The following EPHB1 variants were observed in gnomAD, a reference collection of about 807,000 sequenced individuals.
EPHB1 encodes ephrin type-B receptor 1.
In EPHB1, 30 loss-of-function variants were observed where a neutral mutation model predicts 94.4. The ratio of observed to expected loss-of-function variants is 0.32; its 90% CI spans 0.24 to 0.43. The LOEUF is 0.43. Ranked by LOEUF, EPHB1 falls within the 20% of genes least tolerant of loss-of-function variation. EPHB1 has a pLI of 1.00. For missense variants in EPHB1, 1,055 were observed against 1,308.3 expected (o/e 0.81, Z 2.99); for synonymous variants, 522 against 489.1 (o/e 1.07, Z -0.89).
chr3:134,826,023 C>T (rs1056297110), intron 1 of EPHB1, among the ~76,000 whole-genome samples: 1 of 149,618 alleles, frequency 6.7e-6, no homozygotes. Flanking sequence ...AGGTGGATCA[C>T]GAGGTCAGGA....
chr3:135,015,190 C>T (rs1010282281), intron 3 of EPHB1, among the ~76,000 whole-genome samples: 3 of 152,092 alleles, frequency 2.0e-5, no homozygotes, highest in Admixed American at 2.0e-4. Flanking sequence ...CGGACTGCCG[C>T]TTTCATCTCC....
intron 2 of EPHB1, among the ~76,000 whole-genome samples, chr3:134,932,508 G>T (rs73861834): frequency 0.025 from 3,793 of 152,230 alleles, 168 homozygotes; most frequent in African/African-American, 0.086. Context: ...TAAGGCCTCA[G>T]GTCCTGGCAT....
intron 5 of EPHB1, 146 bp from the exon 6 acceptor site, chr3:135,154,006 G>T (rs1256617511): frequency 5.4e-6 from 6 of 1,106,844 alleles, no homozygotes; most frequent in Non-Finnish European, 7.8e-6. Context: ...CCCACAGGAA[G>T]TTCTGCAGGT....
chr3:134,972,379 TATATATAA>T (rs1047988338), intron 3 of EPHB1, among the ~76,000 whole-genome samples: 58 of 146,498 alleles, frequency 4.0e-4, no homozygotes, highest in African/African-American at 1.4e-3. Context: ...ATAAAATATT[TATATATAA>T]ATATATAAGT....
intron 9 of EPHB1, among the ~76,000 whole-genome samples, chr3:135,170,640 G>C (rs1402367448): frequency 6.6e-6 from 1 of 152,106 alleles, no homozygotes; most frequent in East Asian, 1.9e-4. Flanking sequence ...AGGTGGTCCA[G>C]GTGGCCACCT....
intron 14 of EPHB1, 125 bp from the exon 15 acceptor site, chr3:135,249,211 G>A: frequency 2.7e-6 from 3 of 1,124,824 alleles, no homozygotes; most frequent in Non-Finnish European, 3.7e-6. Flanking sequence ...TCAGCCCAGG[G>A]CTCCACTATA....
chr3:135,074,900 G>A (rs1249613318), intron 3 of EPHB1, among the ~76,000 whole-genome samples: 1 of 152,180 alleles, frequency 6.6e-6, no homozygotes, highest in Non-Finnish European at 1.5e-5. Context: ...AATGAGGAGT[G>A]AGACCCACAG....
intron 3 of EPHB1, among the ~76,000 whole-genome samples, chr3:135,004,813 C>G (rs1166032601): frequency 6.6e-6 from 1 of 151,844 alleles, no homozygotes; most frequent in Non-Finnish European, 1.5e-5. Flanking sequence ...GCTCCATCAG[C>G]TCCTTTAAGC....
chr3:135,255,334 G>T (rs1933329786), intron 15 of EPHB1, among the ~76,000 whole-genome samples: 1 of 151,530 alleles, frequency 6.6e-6, no homozygotes, highest in Non-Finnish European at 1.5e-5. Flanking sequence ...GATCTTTCCT[G>T]CTTTCTCTTG....
At chr3:134,922,079 C>T (rs1358444316) in intron 1 of EPHB1, among the ~76,000 whole-genome samples, 1 of 152,180 alleles carries the variant, frequency 6.6e-6, no homozygotes, top group African/African-American at 2.4e-5. Context: ...GTCCCAGAGT[C>T]GTGTCCTCTG....
At chr3:135,158,593 A>G (rs1021358242) in intron 6 of EPHB1, among the ~76,000 whole-genome samples, 14 of 152,126 alleles carry the variant, frequency 9.2e-5, no homozygotes, top group African/African-American at 2.9e-4. Context: ...GTTTCACTCT[A>G]TGAATAGAAT....
intron 3 of EPHB1, among the ~76,000 whole-genome samples, chr3:135,014,474 G>A (rs1935724184): frequency 6.6e-6 from 1 of 152,220 alleles, no homozygotes; most frequent in Non-Finnish European, 1.5e-5. Context: ...TGAGTTTTGA[G>A]TTATCCAGGT....
intron 3 of EPHB1, among the ~76,000 whole-genome samples, chr3:135,074,976 A>T (rs1248084135): frequency 6.6e-6 from 1 of 152,128 alleles, no homozygotes; most frequent in African/African-American, 2.4e-5. Context: ...GCTGTAATAC[A>T]CCTATCATTG....
At chr3:134,829,596 T>C (rs1208756632) in intron 1 of EPHB1, among the ~76,000 whole-genome samples, 1 of 152,234 alleles carries the variant, frequency 6.6e-6, no homozygotes, top group Non-Finnish European at 1.5e-5. Flanking sequence ...AAGTTTTAAG[T>C]ATATTACAAA....
chr3:135,120,537 GT>G (rs1398397093), intron 4 of EPHB1, among the ~76,000 whole-genome samples: 2 of 152,174 alleles, frequency 1.3e-5, no homozygotes, highest in African/African-American at 2.4e-5. Flanking sequence ...GACCACCAAG[GT>G]TTCATTGCAT....
chr3:134,875,083 C>G (rs1043890928), intron 1 of EPHB1, among the ~76,000 whole-genome samples: 1 of 152,186 alleles, frequency 6.6e-6, no homozygotes, highest in East Asian at 1.9e-4. Context: ...CTTAGGAACT[C>G]ATCTCTGAAG....
At position 134,863,003 on chromosome 3, in the gene EPHB1, G is replaced by A. The variant is rs2037299823; in HGVS notation, c.59-62813G>A. ...TCTGTGTGTGTGGCTTTGCTACAGGGCTTCCTGGAGAGAAGCTGGGGTGGA... is the reference window on the plus strand; with the variant it reads ...TCTGTGTGTGTGGCTTTGCTACAGGACTTCCTGGAGAGAAGCTGGGGTGGA... On this transcript the variant is annotated intron_variant, in intron 1 of 15. Coordinates refer to ENST00000398015, the MANE Select transcript of EPHB1 (RefSeq NM_004441.5). 2.0e-5 allele frequency among the ~76,000 whole-genome samples: 3 copies of A among 152,232 alleles called. No homozygotes were observed. In the South Asian group the frequency reaches 6.2e-4, roughly 32 times the overall value.
Position 135,217,377 on chromosome 3 carries a change from G to T in EPHB1, c.2346+15688G>T, listed in dbSNP as rs1328889041. The stretch of plus-strand genomic sequence containing the variant: ...GGGAACTCTGTGATGAGGACAAAAA[G>T]ACTGTGAACTTCCCCTAAAGCCTGC... On this transcript the variant is annotated intron_variant, in intron 12 of 15. Coordinates refer to ENST00000398015, the MANE Select transcript of EPHB1 (RefSeq NM_004441.5). Among the ~76,000 whole-genome samples, 4 of 144,620 alleles carry T rather than the reference G, an allele frequency of 2.8e-5. No individual in the cohort carries two copies. In the East Asian group the frequency reaches 7.8e-4, roughly 28 times the overall value. The allele number at this position is 144,620 out of a possible 152,430, so 94.9% of individuals were successfully genotyped here.
intron 12 of EPHB1, among the ~76,000 whole-genome samples, chr3:135,218,616 G>A (rs776579387): frequency 6.6e-6 from 1 of 152,222 alleles, no homozygotes; most frequent in East Asian, 1.9e-4. Flanking sequence ...TCATGTGGGA[G>A]GGGCCAGCCA....
Sources: allele counts gnomAD v4.1 joint callset (sites outside exome capture counted in the v4.1 genomes callset), GRCh38; gene constraint gnomAD v4.1.1; transcripts MANE v1.5; gene names NCBI Gene and HGNC (gene_info 2026-07-23, HGNC 2026-07-21).